Variants in CLCN6 observed in about 807,000 individuals in gnomAD.
CLCN6 encodes H(+)/Cl(-) exchange transporter 6.
In CLCN6, 70 loss-of-function variants were observed where a neutral mutation model predicts 109.8. The observed-to-expected ratio is 0.64, with a 90% confidence interval of 0.53 to 0.78. The LOEUF is 0.78. Ranked by LOEUF, CLCN6 falls within the 30% of genes least tolerant of loss-of-function variation. CLCN6 has a pLI of 0.00. For synonymous variants in CLCN6, 444 were observed against 447.8 expected (o/e 0.99, Z 0.11); for missense variants, 984 against 1,142.3 (o/e 0.86, Z 2.00).
chr1:11,806,209 T>G lies in CLCN6; in HGVS notation c.-54T>G, dbSNP rs1023238841. On this transcript the variant is annotated 5_prime_UTR_variant, in exon 1 of 23. Transcript: ENST00000346436. ...CGGGGCCAGTCACGTGAGGCGCAGATCCTGGCTGGGAGGGGGTTGGTAGAG... is the reference window on the plus strand; with the variant it reads ...CGGGGCCAGTCACGTGAGGCGCAGAGCCTGGCTGGGAGGGGGTTGGTAGAG... 47 of 1,378,476 alleles carry G rather than the reference T, an allele frequency of 3.4e-5. No homozygotes were observed. The highest frequency in any genetic ancestry group is 4.2e-5 in the Non-Finnish European group (44 of 1,057,558). 85.4% of individuals were successfully genotyped at this position (1,378,476 alleles called of 1,614,324 possible).
At chr1:11,839,367 T>C (rs1644990927) in intron 22 of CLCN6, among the ~76,000 whole-genome samples, 1 of 152,112 alleles carries the variant, frequency 6.6e-6, no homozygotes, top group South Asian at 2.1e-4. Context: ...GCTCAAGCAG[T>C]CCTCCCACCT....
At position 11,841,984 on chromosome 1, in the gene CLCN6, A is replaced by G. The variant is rs1489209385; in HGVS notation, c.*1761A>G. ...GACCAAAAAGGCAATTCTTATTTAAATGTTACTATTTGGCCAGCTGCTGCT... is the reference window on the plus strand; with the variant it reads ...GACCAAAAAGGCAATTCTTATTTAAGTGTTACTATTTGGCCAGCTGCTGCT... On this transcript the variant is annotated 3_prime_UTR_variant, in exon 23 of 23. Coordinates refer to ENST00000346436, the MANE Select transcript of CLCN6 (RefSeq NM_001286.5). 1 of 152,218 alleles carries G rather than the reference A, an allele frequency of 6.6e-6. No homozygotes were observed. Among genetic ancestry groups the G allele is most frequent in the Non-Finnish European group, 1.5e-5 (1 of 68,038 alleles). 9.4% of individuals were successfully genotyped at this position (152,218 alleles called of 1,614,324 possible).
In CLCN6 at chr1:11,833,502, T is replaced by A. The variant is rs1349448806; in HGVS notation, c.1249-13T>A. The A allele has an allele frequency of 3.1e-6, 5 of 1,613,332 alleles. No homozygotes were observed. Among genetic ancestry groups the A allele is most frequent in the East Asian group, 4.5e-5 (2 of 44,884 alleles). Reference sequence around the variant, plus strand: ...GGTGTCCTTGTACTGATTTTCTGATTCCTTCTTCTCAGGTCACAGAAGATG... The same window carrying A: ...GGTGTCCTTGTACTGATTTTCTGATACCTTCTTCTCAGGTCACAGAAGATG... On this transcript the variant is annotated splice_polypyrimidine_tract_variant and intron_variant, in intron 13 of 22. Coordinates refer to ENST00000346436, the MANE Select transcript of CLCN6 (RefSeq NM_001286.5).
intron 3 of CLCN6, among the ~76,000 whole-genome samples, chr1:11,816,338 A>G (rs72640257): frequency 0.099 from 15,068 of 152,252 alleles, 806 homozygotes; most frequent in South Asian, 0.16. Flanking sequence ...GTGGTGGTCT[A>G]GAACCAAACC....
intron 19 of CLCN6, 72 bp from the exon 20 acceptor site, chr1:11,837,271 C>T (rs1435564372): frequency 1.3e-5 from 21 of 1,582,498 alleles, no homozygotes; most frequent in African/African-American, 4.0e-5. Context: ...GGATGGGGAG[C>T]GGGCTGGGAA....
At chr1:11,832,112 A>G (rs1644890698) in intron 13 of CLCN6, among the ~76,000 whole-genome samples, 1 of 152,216 alleles carries the variant, frequency 6.6e-6, no homozygotes, top group South Asian at 2.1e-4. Context: ...CTTGCTGGCC[A>G]GTAGCTGTGC....
chr1:11,827,187 C>T lies in CLCN6; in HGVS notation c.806C>T (p.Ser269Leu), dbSNP rs761839015. 8.1e-6 allele frequency: 13 copies of T among 1,613,252 alleles called. No individual in the cohort carries two copies. The highest frequency in any genetic ancestry group is 3.3e-5 in the South Asian group (3 of 91,052). The change falls in exon 10 of 23, where the codon TCG (serine) becomes TTG (leucine). Residue 269 changes from serine to leucine, a missense_variant. Coordinates refer to ENST00000346436, the MANE Select transcript of CLCN6 (RefSeq NM_001286.5). ...ACCTTGTTCAGTCTAGAGGAGGGTT[C>T]GTCCTTCTGGAACCAAGGGCTCACG... ...GGTLFSLEEGSSFWNQGLTWK... is the reference protein window; with the variant it reads ...GGTLFSLEEGLSFWNQGLTWK...
chr1:11,831,243 A>T (rs1162862097), intron 13 of CLCN6, among the ~76,000 whole-genome samples: 1 of 138,208 alleles, frequency 7.2e-6, no homozygotes. Context: ...TGCAAACTCC[A>T]CCTCCTGGGT....
chr1:11,812,046 G>A (rs1644605386), intron 2 of CLCN6, among the ~76,000 whole-genome samples: 1 of 152,082 alleles, frequency 6.6e-6, no homozygotes, highest in African/African-American at 2.4e-5. Context: ...CCCAGGAGTT[G>A]GAGGTTGCAG....
intron 5 of CLCN6, chr1:11,820,238 G>T (rs1430313085): frequency 1.7e-6 from 1 of 572,740 alleles, no homozygotes; most frequent in Admixed American, 3.0e-5. Flanking sequence ...GGAGTTTGAG[G>T]CTGTAATGCA....
intron 2 of CLCN6, among the ~76,000 whole-genome samples, chr1:11,811,766 C>T (rs1432630309): frequency 1.3e-5 from 2 of 152,114 alleles, no homozygotes; most frequent in Non-Finnish European, 2.9e-5. Flanking sequence ...TTCTCCTTGC[C>T]CCTGACTCCA....
At chr1:11,821,046 A>G (rs1369956475) in intron 5 of CLCN6, among the ~76,000 whole-genome samples, 1 of 150,646 alleles carries the variant, frequency 6.6e-6, no homozygotes, top group Non-Finnish European at 1.5e-5. Flanking sequence ...ATTGCACTCC[A>G]GCCTGGGCAA....
Position 11,828,620 on chromosome 1 carries a change from G to T in CLCN6, c.1117G>T (p.Val373Phe). 1 of 1,606,450 alleles carries T rather than the reference G, an allele frequency of 6.2e-7. No individual in the cohort carries two copies. The highest frequency in any genetic ancestry group is 8.5e-7 in the Non-Finnish European group (1 of 1,176,180). The change falls in exon 12 of 23, where the codon GTC becomes TTC. Residue 373 changes from valine to phenylalanine, a missense_variant. Coordinates refer to ENST00000346436, the MANE Select transcript of CLCN6 (RefSeq NM_001286.5). ...MRNVHPKPKL[V>F]RVLESLLVSL... is the part of the protein sequence containing the mutation. The stretch of plus-strand genomic sequence containing the variant: ...AAACGTGCACCCGAAACCTAAGCTC[G>T]TCAGGTATCTGCACAGTCGCCTCCC...
chr1:11,836,594 G>A (rs954459571), intron 18 of CLCN6, among the ~76,000 whole-genome samples: 1 of 152,166 alleles, frequency 6.6e-6, no homozygotes, highest in Non-Finnish European at 1.5e-5. Flanking sequence ...TTGGGTACCA[G>A]GAGGAAGGAG....
At chr1:11,835,644 C>T (rs1233877093) in intron 17 of CLCN6, among the ~76,000 whole-genome samples, 2 of 152,162 alleles carry the variant, frequency 1.3e-5, no homozygotes, top group African/African-American at 4.8e-5. Context: ...GTGGAGCGTG[C>T]TGCAGGGCAC....
chr1:11,813,183 A>G (rs1644624596), intron 2 of CLCN6, among the ~76,000 whole-genome samples: 1 of 152,158 alleles, frequency 6.6e-6, no homozygotes, highest in South Asian at 2.1e-4. Context: ...TGTGCAATGC[A>G]TGTTAAATAA....
intron 22 of CLCN6, among the ~76,000 whole-genome samples, 193 bp from the exon 23 acceptor site, chr1:11,839,950 G>A (rs1262665364): frequency 6.6e-6 from 1 of 152,210 alleles, no homozygotes; most frequent in Non-Finnish European, 1.5e-5. Context: ...AGCCCTTTTT[G>A]GAGCTAACCT....
Position 11,838,554 on chromosome 1 carries a change from A to G in CLCN6, c.2423A>G (p.Asn808Ser). The change falls in exon 22 of 23, where the codon AAC becomes AGC. Residue 808 changes from asparagine (N) to serine (S), a missense_variant. By Grantham distance (46) the Asn-to-Ser change is conservative. Coordinates refer to ENST00000346436, the MANE Select transcript of CLCN6 (RefSeq NM_001286.5). ...RMIVDVTPYM[N>S]PSPFTVSPNT... is the part of the protein sequence containing the mutation. ...TTGCAGGATGTCACCCCATACATGA[A>G]CCCTTCGCCTTTCACCGTCTCGCCC... The G allele has an allele frequency of 6.2e-7, 1 of 1,610,570 alleles. No individual in the cohort carries two copies. The highest frequency in any genetic ancestry group is 8.5e-7 in the Non-Finnish European group (1 of 1,177,158).
chr1:11,817,396 G>A (rs533393442), intron 4 of CLCN6, among the ~76,000 whole-genome samples: 13 of 152,294 alleles, frequency 8.5e-5, no homozygotes, highest in Non-Finnish European at 1.2e-4. Flanking sequence ...GCTCCTCCCC[G>A]TACGTCGTTA....
Sources: allele counts gnomAD v4.1 joint callset (sites outside exome capture counted in the v4.1 genomes callset), GRCh38; gene constraint gnomAD v4.1.1; transcripts MANE v1.5; gene names NCBI Gene and HGNC (gene_info 2026-07-23, HGNC 2026-07-21).